The following PPP1R9A variants were observed in gnomAD, a reference collection of about 807,000 sequenced individuals.
The protein encoded by PPP1R9A is neurabin-1.
A neutral mutation model predicts 141.9 loss-of-function variants in PPP1R9A; 59 were observed. The ratio of observed to expected loss-of-function variants is 0.42; its 90% CI spans 0.34 to 0.52. The LOEUF is 0.52. Among genes scored for constraint, PPP1R9A ranks in the 20% least tolerant of loss-of-function variants. The pLI is 0.10. For synonymous variants in PPP1R9A, 500 were observed against 569.7 expected, an observed-to-expected ratio of 0.88 and a Z score of 1.74; for missense variants, 1,444 against 1,611.9, an observed-to-expected ratio of 0.90 and a Z score of 1.78.
chr7:94,996,576 A>C (rs1444342657), intron 2 of PPP1R9A, among the ~76,000 whole-genome samples: 1 of 152,100 alleles, frequency 6.6e-6, no homozygotes, highest in Non-Finnish European at 1.5e-5. Flanking sequence ...GTTTTCATAA[A>C]AATTTGGGAA....
intron 2 of PPP1R9A, among the ~76,000 whole-genome samples, chr7:95,005,040 T>C (rs898019279): frequency 1.3e-5 from 2 of 152,224 alleles, no homozygotes; most frequent in African/African-American, 2.4e-5. Context: ...CTATATACTT[T>C]CGTTTGTAAG....
At chr7:94,978,674 A>G (rs1024460397) in intron 2 of PPP1R9A, among the ~76,000 whole-genome samples, 2 of 152,212 alleles carry the variant, frequency 1.3e-5, no homozygotes, top group Non-Finnish European at 2.9e-5. Context: ...ATAATGACCT[A>G]GTGTAAGTAT....
At chr7:95,029,246 T>A (rs1310770167) in intron 2 of PPP1R9A, among the ~76,000 whole-genome samples, 2 of 152,196 alleles carry the variant, frequency 1.3e-5, no homozygotes, top group Non-Finnish European at 2.9e-5. Context: ...CCAAGCTACT[T>A]TTTAAAAGAT....
At chr7:94,999,864 T>G (rs1348567471) in intron 2 of PPP1R9A, among the ~76,000 whole-genome samples, 1 of 151,954 alleles carries the variant, frequency 6.6e-6, no homozygotes, top group Non-Finnish European at 1.5e-5. Context: ...TGCAGTGGCA[T>G]GATCTTAGCT....
chr7:94,960,165 CTCTCT>C (rs1349203327), intron 2 of PPP1R9A, among the ~76,000 whole-genome samples: 1 of 148,610 alleles, frequency 6.7e-6, no homozygotes, highest in Non-Finnish European at 1.5e-5. Flanking sequence ...CTTTCTCTCT[CTCTCT>C]TTTTTTTTTT....
intron 8 of PPP1R9A, among the ~76,000 whole-genome samples, chr7:95,246,857 G>A (rs183931272): frequency 6.6e-6 from 1 of 152,162 alleles, no homozygotes; most frequent in South Asian, 2.1e-4. Context: ...GGCAGAAGCT[G>A]TTGGGGGTCT....
At chr7:95,089,697 T>G (rs1817076689) in intron 2 of PPP1R9A, among the ~76,000 whole-genome samples, 1 of 150,602 alleles carries the variant, frequency 6.6e-6, no homozygotes. Context: ...TATAACATTC[T>G]GCAACTGTAT....
chr7:94,950,467 C>A (rs1172976253), intron 2 of PPP1R9A, among the ~76,000 whole-genome samples: 1 of 151,978 alleles, frequency 6.6e-6, no homozygotes, highest in East Asian at 1.9e-4. Context: ...TCTTCTTAGC[C>A]CTTTGTTCTT....
chr7:94,934,400 A>C (rs1260559800), intron 2 of PPP1R9A, among the ~76,000 whole-genome samples: 1 of 152,162 alleles, frequency 6.6e-6, no homozygotes, highest in Non-Finnish European at 1.5e-5. Context: ...CAAGATCTCT[A>C]ACATGTGGTA....
At chr7:95,203,633 CCTT>C in intron 6 of PPP1R9A, 29 bp from the exon 7 acceptor site, 1 of 1,508,986 alleles carries the variant, frequency 6.6e-7, no homozygotes, top group Non-Finnish European at 8.9e-7. Flanking sequence ...GGGGGTTAAG[CCTT>C]CTTTAATATT....
intron 7 of PPP1R9A, among the ~76,000 whole-genome samples, chr7:95,216,474 T>G (rs1793450022): frequency 1.3e-5 from 2 of 152,156 alleles, no homozygotes; most frequent in Admixed American, 6.6e-5. Context: ...CGTATGAACT[T>G]TAGAGTAGTT....
At chr7:94,950,684 A>AT (rs2151025318) in intron 2 of PPP1R9A, among the ~76,000 whole-genome samples, 1 of 152,082 alleles carries the variant, frequency 6.6e-6, no homozygotes, top group East Asian at 1.9e-4. Flanking sequence ...TGTTTAAAAC[A>AT]TTTTTTGCTA....
intron 2 of PPP1R9A, among the ~76,000 whole-genome samples, chr7:94,955,163 A>G (rs1172163451): frequency 1.1e-4 from 16 of 152,092 alleles, no homozygotes; most frequent in Non-Finnish European, 4.4e-5. Flanking sequence ...TGAAGTGTAC[A>G]TCTTTTAATA....
intron 8 of PPP1R9A, among the ~76,000 whole-genome samples, chr7:95,231,127 A>G (rs1795862675): frequency 6.6e-6 from 1 of 152,190 alleles, no homozygotes; most frequent in African/African-American, 2.4e-5. Flanking sequence ...AAAACAAACT[A>G]AAGCAACAGC....
chr7:95,124,905 C>T (rs1823294349), intron 4 of PPP1R9A, among the ~76,000 whole-genome samples: 1 of 151,982 alleles, frequency 6.6e-6, no homozygotes, highest in Non-Finnish European at 1.5e-5. Flanking sequence ...GGCTTGTAAA[C>T]TCTCACCACA....
intron 2 of PPP1R9A, among the ~76,000 whole-genome samples, chr7:94,989,177 G>A (rs915577688): frequency 1.3e-5 from 2 of 151,116 alleles, no homozygotes. Context: ...AACCATATGT[G>A]AAAAAAAACC....
At chr7:95,068,650 T>A (rs1813326444) in intron 2 of PPP1R9A, among the ~76,000 whole-genome samples, 1 of 152,148 alleles carries the variant, frequency 6.6e-6, no homozygotes, top group African/African-American at 2.4e-5. Context: ...AACTCAGGTC[T>A]CTGGCTTCCC....
At chr7:95,214,497 A>G (rs976518908) in intron 7 of PPP1R9A, among the ~76,000 whole-genome samples, 1 of 152,134 alleles carries the variant, frequency 6.6e-6, no homozygotes, top group African/African-American at 2.4e-5. Context: ...GCAAGAGGAC[A>G]AAAGAGGCAC....
Position 95,225,965 on chromosome 7 carries a change from GA to G in PPP1R9A, c.1962del (p.Glu655AsnfsTer11). Reference sequence around the variant, plus strand: ...CTGAAATCCCCTTCCTTTCAGACAGGAGAATATGCCACAGATGAAGAAGAAG... The same window carrying G: ...CTGAAATCCCCTTCCTTTCAGACAGGGAATATGCCACAGATGAAGAAGAAG... ...NNNNNYFLKT[G>X]EYATDEEEDE... On this transcript the variant is annotated frameshift_variant, in exon 8 of 20. Transcript: ENST00000433360. LOFTEE classifies it high-confidence loss of function. 1 of 1,602,872 alleles carries G rather than the reference GA, an allele frequency of 6.2e-7. No individual in the cohort carries two copies. The highest frequency in any genetic ancestry group is 8.5e-7 in the Non-Finnish European group (1 of 1,171,186).
Sources: gnomAD v4.1 joint callset for allele counts (sites outside exome capture counted in the v4.1 genomes callset) on GRCh38, gnomAD v4.1.1 for gene constraint, MANE v1.5 for transcripts, NCBI Gene and HGNC (gene_info 2026-07-23, HGNC 2026-07-21) for gene names.